TRARG1: variants seen among roughly 807,000 people sequenced by gnomAD.
TRARG1 encodes trafficking regulator of GLUT4 (SLC2A4) 1 (gene/pseudogene), also known as trafficking regulator of GLUT4 1.
TRARG1 carries 16 observed loss-of-function variants against 13.3 expected under a neutral mutation model. The ratio of observed to expected loss-of-function variants is 1.20; its 90% confidence interval spans 0.81 to 1.83. TRARG1 has a LOEUF of 1.83. Ranked by LOEUF, TRARG1 falls within the 40% of genes most tolerant of loss-of-function variation. The pLI is 0.00. For synonymous variants in TRARG1, 113 were observed against 106.2 expected, an observed-to-expected ratio of 1.06 and a Z score of -0.39; for missense variants, 250 against 237.4, an observed-to-expected ratio of 1.05 and a Z score of -0.35.
intron 2 of TRARG1, among the ~76,000 whole-genome samples, chr17:1,297,764 C>T (rs978514067): frequency 1.1e-4 from 16 of 151,930 alleles, no homozygotes; most frequent in African/African-American, 3.6e-4. Flanking sequence ...CCACCACGCC[C>T]GGTTAATTTT....
At chr17:1,282,245 C>CGTATATGTAT (rs1567928261) in intron 1 of TRARG1, among the ~76,000 whole-genome samples, 13 of 114,346 alleles carry the variant, frequency 1.1e-4, no homozygotes, top group Non-Finnish European at 2.1e-4. Context: ...CGTATATGCA[C>CGTATATGTAT]GTATATGTAC....
chr17:1,290,718 C>G (rs2072062968), intron 1 of TRARG1, among the ~76,000 whole-genome samples: 1 of 152,100 alleles, frequency 6.6e-6, no homozygotes, highest in Non-Finnish European at 1.5e-5. Flanking sequence ...CAATCCCTGC[C>G]TCACTGGAGT....
In TRARG1 at chr17:1,298,408, C is replaced by A; in HGVS notation, c.*144C>A. ...AAGCACAGACTCAAAGGGAAACCCCCCAGTCACCCACTGTCAGCCCCCATC... is the reference window on the plus strand; with the variant it reads ...AAGCACAGACTCAAAGGGAAACCCCACAGTCACCCACTGTCAGCCCCCATC... On this transcript the variant is annotated 3_prime_UTR_variant, in exon 3 of 3. Transcript: ENST00000333813. 1.2e-6 allele frequency: 1 copy of A among 835,292 alleles called. No individual in the cohort carries two copies. The allele number at this position is 835,292 out of a possible 1,614,324, so 51.7% of individuals were successfully genotyped here. A position where few individuals can be genotyped will look rare whatever the true frequency, so the allele number is the denominator to read the frequency against.
At chr17:1,292,451 CCTT>C (rs1567932038) in intron 1 of TRARG1, among the ~76,000 whole-genome samples, 1 of 152,206 alleles carries the variant, frequency 6.6e-6, no homozygotes, top group South Asian at 2.1e-4. Context: ...GGACCACCCT[CCTT>C]CTGGTGCTGC....
chr17:1,289,543 C>G lies in TRARG1; in HGVS notation c.388-5948C>G, dbSNP rs73285341. On this transcript the variant is annotated intron_variant, in intron 1 of 2. Transcript: ENST00000333813. ...CATCCTTATCTTGCTTGACCTATGC[C>G]GGACACGGCACTGTCAGCCACTCCC... Among the ~76,000 whole-genome samples, 625 of 150,776 alleles carry G rather than the reference C, an allele frequency of 4.1e-3. 5 individuals carry two copies. Among genetic ancestry groups the G allele is most frequent in the African/African-American group, 0.015 (599 of 40,918 alleles).
chr17:1,281,679 A>C (rs992985100), intron 1 of TRARG1, among the ~76,000 whole-genome samples: 2 of 152,156 alleles, frequency 1.3e-5, no homozygotes, highest in African/African-American at 4.8e-5. Flanking sequence ...AGGTAAAGCC[A>C]GGACCCAGGG....
Position 1,295,613 on chromosome 17 carries a change from C to T in TRARG1, c.510C>T (p.Val170=), listed in dbSNP as rs1474313457. 6.2e-7 allele frequency: 1 copy of T among 1,611,734 alleles called. No individual in the cohort carries two copies. Among genetic ancestry groups the T allele is most frequent in the Admixed American group, 1.7e-5 (1 of 59,838 alleles). The stretch of plus-strand genomic sequence containing the variant: ...TCATTATCATGGTGGCCGTGACCGT[C>T]AACTTCACAGGTGAGACCCAGCTCC... ...GIVIIMVAVT[V]NFTVQKK is the part of the protein sequence containing the mutation. The change falls in exon 2 of 3, where the codon GTC becomes GTT. Residue 170 remains valine, a synonymous_variant. Coordinates refer to ENST00000333813, the MANE Select transcript of TRARG1 (RefSeq NM_172367.3).
At chr17:1,282,128 A>G (rs113140378) in intron 1 of TRARG1, among the ~76,000 whole-genome samples, 911 of 70,548 alleles carry the variant, frequency 0.013, 36 homozygotes, top group African/African-American at 0.031. Flanking sequence ...ACATATGTAC[A>G]TATACACGCA....
intron 1 of TRARG1, among the ~76,000 whole-genome samples, chr17:1,282,876 G>C (rs1471913029): frequency 6.6e-6 from 1 of 151,994 alleles, no homozygotes; most frequent in Non-Finnish European, 1.5e-5. Context: ...TTTTAGTAGA[G>C]ACGGGGTTTC....
chr17:1,282,758 T>C (rs771006061), intron 1 of TRARG1, among the ~76,000 whole-genome samples: 1 of 151,102 alleles, frequency 6.6e-6, no homozygotes, highest in Non-Finnish European at 1.5e-5. Flanking sequence ...GGTGCGATCT[T>C]GGCTCACTGC....
In TRARG1 at chr17:1,298,529, C is replaced by T. The variant is rs775414725; in HGVS notation, c.*265C>T. 4 of 425,420 alleles carry T rather than the reference C, an allele frequency of 9.4e-6. No individual in the cohort carries two copies. The highest frequency in any genetic ancestry group is 1.7e-5 in the Non-Finnish European group (4 of 240,378). 26.4% of individuals were successfully genotyped at this position (425,420 alleles called of 1,614,324 possible). On this transcript the variant is annotated 3_prime_UTR_variant, in exon 3 of 3. Transcript: ENST00000333813. ...ACGCGTCCTGGGATCTCAACCCCAGCAGTCTGGCTTGTTTCTCATTCCCAC... is the reference window on the plus strand; with the variant it reads ...ACGCGTCCTGGGATCTCAACCCCAGTAGTCTGGCTTGTTTCTCATTCCCAC...
rs975209891 is a variant in TRARG1, at chr17:1,298,750, C to T, written c.*486C>T. On this transcript the variant is annotated 3_prime_UTR_variant, in exon 3 of 3. Coordinates refer to ENST00000333813, the MANE Select transcript of TRARG1 (RefSeq NM_172367.3). ...GAAAGAATGGACTGTTTGCATGCTTCGTGCCACACGCCCGCGGTGATCCCA... is the reference window on the plus strand; with the variant it reads ...GAAAGAATGGACTGTTTGCATGCTTTGTGCCACACGCCCGCGGTGATCCCA... The T allele has an allele frequency of 3.8e-5, 6 of 156,952 alleles. No individual in the cohort carries two copies. Among genetic ancestry groups the T allele is most frequent in the African/African-American group, 1.4e-4 (6 of 41,590 alleles). 9.7% of individuals were successfully genotyped at this position (156,952 alleles called of 1,614,324 possible). A position where few individuals can be genotyped will look rare whatever the true frequency, so the allele number is the denominator to read the frequency against.
At chr17:1,286,814 C>T (rs1457344356) in intron 1 of TRARG1, among the ~76,000 whole-genome samples, 2 of 88,780 alleles carry the variant, frequency 2.3e-5, no homozygotes, top group East Asian at 2.8e-4. Flanking sequence ...GGGGTGTTGT[C>T]GGCCTGTGGG....
At chr17:1,290,988 C>T (rs2072064988) in intron 1 of TRARG1, among the ~76,000 whole-genome samples, 1 of 151,898 alleles carries the variant, frequency 6.6e-6, no homozygotes. Flanking sequence ...TCACTGCAAC[C>T]TCCACCTCCC....
At chr17:1,297,506 A>T (rs2072120597) in intron 2 of TRARG1, among the ~76,000 whole-genome samples, 1 of 151,142 alleles carries the variant, frequency 6.6e-6, no homozygotes, top group African/African-American at 2.4e-5. Context: ...GCAAGGCAGG[A>T]GCCCACCAGC....
At chr17:1,294,897 G>C (rs1391658582) in intron 1 of TRARG1, among the ~76,000 whole-genome samples, 1 of 152,140 alleles carries the variant, frequency 6.6e-6, no homozygotes, top group African/African-American at 2.4e-5. Flanking sequence ...TGTTGGTCAG[G>C]CTGGTCGCAA....
chr17:1,282,255 C>A (rs1312360211), intron 1 of TRARG1, among the ~76,000 whole-genome samples: 1 of 140,336 alleles, frequency 7.1e-6, no homozygotes, highest in African/African-American at 2.9e-5. Context: ...CGTATATGTA[C>A]GTATATGTAC....
At position 1,300,170 on chromosome 17, in the gene TRARG1, T is replaced by G. The variant is rs983830478; in HGVS notation, c.*1906T>G. On this transcript the variant is annotated 3_prime_UTR_variant, in exon 3 of 3. Coordinates refer to ENST00000333813, the MANE Select transcript of TRARG1 (RefSeq NM_172367.3). ...AGGGTGTGAGCACGGAGTATTTCTGTCCCTCGTGAAGTCACGTCACACAGG... is the reference window on the plus strand; with the variant it reads ...AGGGTGTGAGCACGGAGTATTTCTGGCCCTCGTGAAGTCACGTCACACAGG... The G allele has an allele frequency of 2.0e-5, 3 of 152,318 alleles. No homozygotes were observed. Among genetic ancestry groups the G allele is most frequent in the East Asian group, 1.9e-4 (1 of 5,186 alleles). The allele number at this position is 152,318 out of a possible 1,614,324, so 9.4% of individuals were successfully genotyped here. A position where few individuals can be genotyped will look rare whatever the true frequency, so the allele number is the denominator to read the frequency against.
At chr17:1,283,712 G>A (rs958081740) in intron 1 of TRARG1, among the ~76,000 whole-genome samples, 7 of 152,070 alleles carry the variant, frequency 4.6e-5, no homozygotes, top group African/African-American at 1.4e-4. Context: ...GGGAGGCTGA[G>A]GCAGGAGAAT....
Sources: gnomAD v4.1 joint callset for allele counts (sites outside exome capture counted in the v4.1 genomes callset) on GRCh38, gnomAD v4.1.1 for gene constraint, MANE v1.5 for transcripts, NCBI Gene and HGNC (gene_info 2026-07-23, HGNC 2026-07-21) for gene names.